The following VWA8 variants were observed in gnomAD, a reference collection of about 807,000 sequenced individuals.
VWA8 encodes von Willebrand factor A domain-containing protein 8.
In VWA8, 221 loss-of-function variants were observed where a neutral mutation model predicts 241.5. The observed-to-expected ratio is 0.91, with a 90% confidence interval of 0.82 to 1.02. The LOEUF is 1.02. Among genes scored for constraint, VWA8 ranks in the 50% least tolerant of loss-of-function variants. The probability of loss-of-function intolerance (pLI) is 0.00; values close to 1 mark genes in which losing one functional copy is unlikely to be tolerated. For synonymous variants in VWA8, 852 were observed against 827.1 expected (o/e 1.03, Z -0.52); for missense variants, 2,322 against 2,328.7 (o/e 1.00, Z 0.06).
intron 2 of VWA8, among the ~76,000 whole-genome samples, chr13:41,913,882 C>A (rs1232569857): frequency 2.0e-5 from 3 of 152,222 alleles, no homozygotes; most frequent in African/African-American, 7.2e-5. Context: ...AGACATGCAT[C>A]CCTAGCGGGA....
Position 41,883,471 on chromosome 13 carries a change from T to A in VWA8, c.996A>T (p.Pro332=). ...VQILDSFPMM[P]IKHAIQWLYP... is the part of the protein sequence containing the mutation. ...AAAGCCACTGGATTGCATGTTTGAT[T>A]GGCATCATAGGAAAGGAATCCTATG... is the stretch of plus-strand genomic sequence containing the variant. The change falls in exon 9 of 45, where the codon CCA becomes CCT. Residue 332 remains proline (P), a synonymous_variant. Coordinates refer to ENST00000379310, the MANE Select transcript of VWA8 (RefSeq NM_015058.2). The A allele has an allele frequency of 1.2e-6, 2 of 1,613,454 alleles. No individual in the cohort carries two copies. The highest frequency in any genetic ancestry group is 1.7e-6 in the Non-Finnish European group (2 of 1,179,572).
chr13:41,770,258 G>A lies in VWA8; in HGVS notation c.2349+7727C>T, dbSNP rs114324314. On this transcript the variant is annotated intron_variant, in intron 20 of 44. Transcript: ENST00000379310. ...GTCAGGAGACCATCCTGGCTAACAC[G>A]ATGAAACCCCAGATTACTAAAAATA... Among the ~76,000 whole-genome samples the A allele has an allele frequency of 3.6e-3, 549 of 151,870 alleles. 2 individuals are homozygous for A. The highest frequency in any genetic ancestry group is 0.013 in the African/African-American group (519 of 41,418).
intron 37 of VWA8, among the ~76,000 whole-genome samples, chr13:41,660,102 T>C (rs768295941): frequency 1.3e-5 from 2 of 152,128 alleles, no homozygotes; most frequent in Non-Finnish European, 2.9e-5. Context: ...TGAATGGAAC[T>C]GATGATCACT....
intron 27 of VWA8, 53 bp downstream of exon 27, chr13:41,703,250 C>T: frequency 2.1e-6 from 3 of 1,447,250 alleles, no homozygotes; most frequent in Admixed American, 3.5e-5. Context: ...AGGGAAGATA[C>T]AGCAAAATTT....
In VWA8 at chr13:41,692,954, A is replaced by G. The variant is rs61752294; in HGVS notation, c.3583T>C (p.Leu1195=). 13,290 of 1,609,486 alleles carry G rather than the reference A, an allele frequency of 8.3e-3. 445 individuals are homozygous for G. In the Admixed American group the frequency reaches 0.083, roughly 10 times the overall value. ...HEQQSNVILL[L]DTTGRALHRL... ...TGAAGGGCCCGGCCAGTAGTATCTA[A>G]CAACAGGATAACATTACTCTGCAAA... Residue 1195 remains leucine (L), a synonymous_variant, in exon 30 of 45, where the codon TTA becomes CTA. Transcript: ENST00000379310.
At position 41,753,297 on chromosome 13, in the gene VWA8, GA is replaced by G. The variant is rs536832879; in HGVS notation, c.2426+7830del. Among the ~76,000 whole-genome samples, 43 of 151,534 alleles carry G rather than the reference GA, an allele frequency of 2.8e-4. 1 individual carries two copies. The highest frequency in any genetic ancestry group is 1.0e-3 in the African/African-American group (43 of 41,340). On this transcript the variant is annotated intron_variant, in intron 21 of 44. Transcript: ENST00000379310. ...TCTTCAATTATGAAGGATAGCAAAT[GA>G]AAAAAAACTCTGGCAGTATAAGTAT...
At position 41,678,866 on chromosome 13, in the gene VWA8, T is replaced by C. The variant is rs566021505; in HGVS notation, c.4328-3570A>G. 1.5e-3 allele frequency among the ~76,000 whole-genome samples: 232 copies of C among 152,254 alleles called. 1 individual carries two copies. Among genetic ancestry groups the C allele is most frequent in the Non-Finnish European group, 2.9e-3 (197 of 68,008 alleles). On this transcript the variant is annotated intron_variant, in intron 35 of 44. Coordinates refer to ENST00000379310, the MANE Select transcript of VWA8 (RefSeq NM_015058.2). ...GTGGCTACAGATCACTTCAGGGAAA[T>C]ATAGTAAAGGTGGTGGTAGTGGTGG...
At chr13:41,692,815 C>T in intron 30 of VWA8, 47 bp downstream of exon 30, 2 of 1,488,068 alleles carry the variant, frequency 1.3e-6, no homozygotes, top group African/African-American at 2.8e-5. Flanking sequence ...GGTTAGAAAG[C>T]TATAGAAATC....
intron 37 of VWA8, among the ~76,000 whole-genome samples, chr13:41,625,285 T>G (rs1056791513): frequency 1.1e-4 from 16 of 151,786 alleles, no homozygotes; most frequent in South Asian, 1.0e-3. Context: ...ACCATCAGAG[T>G]GAACAGGCAA....
chr13:41,587,628 C>T lies in VWA8; in HGVS notation c.5155G>A (p.Val1719Ile). The change falls in exon 42 of 45, where the codon GTA (valine) becomes ATA (isoleucine). Residue 1719 changes from valine (V) to isoleucine (I), a missense_variant. By Grantham distance (29) the Val-to-Ile change is conservative. Transcript: ENST00000379310. ...QQKPKRLRLV[V>I]DVSGSMYRFN... is the part of the protein sequence containing the mutation. Reference sequence around the variant, plus strand: ...CGGTACATGCTACCAGACACATCTACCACCAGGCGCAGACGCTTGGGTTTC... The same window carrying T: ...CGGTACATGCTACCAGACACATCTATCACCAGGCGCAGACGCTTGGGTTTC... 1.2e-6 allele frequency: 2 copies of T among 1,614,218 alleles called. No homozygotes were observed. The highest frequency in any genetic ancestry group is 1.7e-6 in the Non-Finnish European group (2 of 1,180,032).
chr13:41,761,292 C>A, intron 20 of VWA8, 88 bp from the exon 21 acceptor site: 1 of 1,284,366 alleles, frequency 7.8e-7, no homozygotes, highest in South Asian at 1.3e-5. Context: ...TTACCAAAAC[C>A]TGCTTTCTCA....
chr13:41,614,821 C>T (rs1026127465), intron 38 of VWA8, among the ~76,000 whole-genome samples, 155 bp downstream of exon 38: 4 of 152,076 alleles, frequency 2.6e-5, no homozygotes, highest in African/African-American at 7.2e-5. Context: ...CTTGATGTCA[C>T]GCTGGGGCAG....
chr13:41,573,307 A>C, intron 43 of VWA8, among the ~76,000 whole-genome samples: 1 of 149,726 alleles, frequency 6.7e-6, no homozygotes, highest in African/African-American at 2.5e-5. Flanking sequence ...GGTACCAGCT[A>C]CTTGGGAGGC....
intron 40 of VWA8, among the ~76,000 whole-genome samples, chr13:41,594,398 G>A (rs1412142797): frequency 1.3e-5 from 2 of 152,056 alleles, no homozygotes; most frequent in Non-Finnish European, 2.9e-5. Flanking sequence ...CCAAAGTGCT[G>A]GGACTATGGG....
chr13:41,570,308 C>A (rs1047562890), intron 44 of VWA8, among the ~76,000 whole-genome samples, 160 bp downstream of exon 44: 2 of 152,112 alleles, frequency 1.3e-5, no homozygotes, highest in African/African-American at 4.8e-5. Flanking sequence ...AACATATCCC[C>A]TCAACTAGAT....
rs1419378680 is a variant in VWA8, at chr13:41,567,233, T to TA, written c.*963dup. 5.3e-5 allele frequency: 8 copies of TA among 152,180 alleles called. No individual in the cohort carries two copies. The highest frequency in any genetic ancestry group is 1.4e-4 in the African/African-American group (6 of 41,446). 9.4% of individuals were successfully genotyped at this position (152,180 alleles called of 1,614,324 possible). A position where few individuals can be genotyped will look rare whatever the true frequency, so the allele number is the denominator to read the frequency against. Reference sequence around the variant, plus strand: ...TTTGAAAGAAAAGAGAATGAGGCTTTAAAAAAAGTTGTTTTCTTTCTTTTT... The same window carrying TA: ...TTTGAAAGAAAAGAGAATGAGGCTTTAAAAAAAAGTTGTTTTCTTTCTTTTT... On this transcript the variant is annotated 3_prime_UTR_variant, in exon 45 of 45. Coordinates refer to ENST00000379310, the MANE Select transcript of VWA8 (RefSeq NM_015058.2).
At chr13:41,956,403 A>G (rs748309348) in intron 1 of VWA8, among the ~76,000 whole-genome samples, 1 of 152,228 alleles carries the variant, frequency 6.6e-6, no homozygotes, top group Non-Finnish European at 1.5e-5. Flanking sequence ...ACACTAGTCT[A>G]TGTGCCCCTA....
chr13:41,814,515 A>G (rs1191506861), intron 16 of VWA8, among the ~76,000 whole-genome samples: 1 of 152,182 alleles, frequency 6.6e-6, no homozygotes, highest in Admixed American at 6.5e-5. Flanking sequence ...GCTTCAAGAG[A>G]GTTTGTAGAA....
At chr13:41,703,516 C>T (rs1004008104) in intron 26 of VWA8, 105 bp from the exon 27 acceptor site, 10 of 916,166 alleles carry the variant, frequency 1.1e-5, no homozygotes, top group South Asian at 4.6e-5. Context: ...TTGAAGAGTG[C>T]TTTACTTAGA....
Sources: allele counts gnomAD v4.1 joint callset (sites outside exome capture counted in the v4.1 genomes callset), GRCh38; gene constraint gnomAD v4.1.1; transcripts MANE v1.5; gene names NCBI Gene and HGNC (gene_info 2026-07-23, HGNC 2026-07-21).